SPAG16: variants seen among roughly 807,000 people sequenced by gnomAD.
SPAG16 encodes the protein sperm associated antigen 16.
Under a neutral mutation model 80.4 loss-of-function variants are expected in SPAG16, and 86 were observed. That is an observed-to-expected ratio of 1.07 (90% CI 0.90 to 1.28). The LOEUF (loss-of-function observed/expected upper bound fraction) is 1.28. Ranked by LOEUF, SPAG16 falls within the 50% of genes most tolerant of loss-of-function variation. SPAG16 has a pLI of 0.00. For missense variants in SPAG16, 870 were observed against 765.3 expected (o/e 1.14, Z -1.61); for synonymous variants, 294 against 265.9 (o/e 1.11, Z -1.03).
chr2:213,713,728 A>G (rs900916582), intron 10 of SPAG16, among the ~76,000 whole-genome samples: 1 of 152,198 alleles, frequency 6.6e-6, no homozygotes, highest in Non-Finnish European at 1.5e-5. Context: ...ATCTATTTCA[A>G]GACAAACTGG....
intron 10 of SPAG16, among the ~76,000 whole-genome samples, chr2:213,565,322 G>C (rs998169105): frequency 6.6e-6 from 1 of 152,232 alleles, no homozygotes; most frequent in African/African-American, 2.4e-5. Flanking sequence ...TTATATTCCA[G>C]AGGGAGACAT....
At chr2:213,475,864 AG>A (rs2073347183) in intron 9 of SPAG16, among the ~76,000 whole-genome samples, 1 of 152,226 alleles carries the variant, frequency 6.6e-6, no homozygotes, top group Non-Finnish European at 1.5e-5. Context: ...GTCTTCCAAA[AG>A]GAAAAAATCA....
chr2:213,910,236 G>T (rs188787643), intron 11 of SPAG16, among the ~76,000 whole-genome samples: 1 of 152,070 alleles, frequency 6.6e-6, no homozygotes, highest in Non-Finnish European at 1.5e-5. Context: ...ACAATATAAC[G>T]ATAGTAATTT....
intron 10 of SPAG16, among the ~76,000 whole-genome samples, chr2:213,805,663 CCTT>C (rs1425585338): frequency 1.3e-5 from 2 of 152,104 alleles, no homozygotes; most frequent in African/African-American, 2.4e-5. Context: ...GAGAAACAAA[CCTT>C]CTGATGTCTG....
intron 10 of SPAG16, among the ~76,000 whole-genome samples, chr2:213,709,036 T>C (rs539858441): frequency 2.0e-5 from 3 of 152,274 alleles, no homozygotes; most frequent in Non-Finnish European, 4.4e-5. Context: ...ACATTTATTC[T>C]CTGACTGCCC....
intron 15 of SPAG16, among the ~76,000 whole-genome samples, chr2:214,396,701 G>A (rs1310581508): frequency 6.6e-6 from 1 of 151,908 alleles, no homozygotes; most frequent in South Asian, 2.1e-4. Flanking sequence ...AAATAGTATG[G>A]TTTCTCAAAA....
At chr2:214,376,376 GAAGT>G (rs1700131784) in intron 15 of SPAG16, among the ~76,000 whole-genome samples, 1 of 152,058 alleles carries the variant, frequency 6.6e-6, no homozygotes, top group South Asian at 2.1e-4. Context: ...AATGGATTAT[GAAGT>G]AAGTTAACTT....
chr2:213,388,335 T>C (rs930241724), intron 9 of SPAG16, among the ~76,000 whole-genome samples: 1 of 152,224 alleles, frequency 6.6e-6, no homozygotes, highest in African/African-American at 2.4e-5. Flanking sequence ...CCTCTCTAGC[T>C]GAAGTGATTT....
intron 15 of SPAG16, among the ~76,000 whole-genome samples, chr2:214,318,377 T>C (rs949443125): frequency 7.5e-6 from 1 of 132,568 alleles, no homozygotes; most frequent in African/African-American, 3.1e-5. Flanking sequence ...TGAATTCTTT[T>C]TTTTTTTTTT....
At chr2:214,190,529 T>A (rs1391643331) in intron 15 of SPAG16, among the ~76,000 whole-genome samples, 1 of 152,160 alleles carries the variant, frequency 6.6e-6, no homozygotes, top group Non-Finnish European at 1.5e-5. Context: ...TTTTACAAAT[T>A]TAAATGACTA....
At chr2:213,738,930 A>C (rs1383571600) in intron 10 of SPAG16, among the ~76,000 whole-genome samples, 1 of 152,204 alleles carries the variant, frequency 6.6e-6, no homozygotes, top group Non-Finnish European at 1.5e-5. Context: ...TAGCCACGTT[A>C]CAGAGAGTGA....
chr2:214,146,477 G>C (rs539705784), intron 14 of SPAG16, among the ~76,000 whole-genome samples: 8 of 152,136 alleles, frequency 5.3e-5, no homozygotes, highest in Non-Finnish European at 1.2e-4. Flanking sequence ...CTGCAAAACT[G>C]CTTTGGAAGG....
At chr2:213,754,574 C>T (rs757143463) in intron 10 of SPAG16, among the ~76,000 whole-genome samples, 1 of 152,110 alleles carries the variant, frequency 6.6e-6, no homozygotes, top group African/African-American at 2.4e-5. Context: ...CATATGACAG[C>T]TTATGAGATC....
At chr2:214,140,358 A>T (rs182798995) in intron 14 of SPAG16, among the ~76,000 whole-genome samples, 78 of 151,692 alleles carry the variant, frequency 5.1e-4, no homozygotes, top group African/African-American at 1.9e-3. Context: ...CCTTTATAAC[A>T]CTTCTTTGTC....
At chr2:213,500,756 C>T (rs570872626) in intron 10 of SPAG16, among the ~76,000 whole-genome samples, 69 of 152,202 alleles carry the variant, frequency 4.5e-4, no homozygotes, top group African/African-American at 1.4e-3. Flanking sequence ...TATTTGAGAG[C>T]GGAGATAAAC....
chr2:213,422,087 G>A (rs910336028), intron 9 of SPAG16: 9 of 643,692 alleles, frequency 1.4e-5, no homozygotes, highest in Admixed American at 6.9e-5. Context: ...GGGACTAAAA[G>A]AGCTGTAACC....
chr2:213,684,534 AATAG>A (rs1294697937), intron 10 of SPAG16, among the ~76,000 whole-genome samples: 4 of 152,216 alleles, frequency 2.6e-5, no homozygotes, highest in Non-Finnish European at 4.4e-5. Context: ...AAAATGTGAA[AATAG>A]ATCACTTCAT....
chr2:213,922,160 A>G (rs371967908), intron 11 of SPAG16, among the ~76,000 whole-genome samples: 7 of 152,182 alleles, frequency 4.6e-5, no homozygotes, highest in African/African-American at 1.7e-4. Flanking sequence ...AGGGACACCA[A>G]TGAGTCATAG....
intron 15 of SPAG16, among the ~76,000 whole-genome samples, chr2:214,246,688 CTT>C (rs1689871127): frequency 6.6e-6 from 1 of 152,102 alleles, no homozygotes; most frequent in Non-Finnish European, 1.5e-5. Flanking sequence ...ACAGGAGAGA[CTT>C]TAAGCTAAAA....
Sources: gnomAD v4.1 joint callset for allele counts (sites outside exome capture counted in the v4.1 genomes callset) on GRCh38, gnomAD v4.1.1 for gene constraint, MANE v1.5 for transcripts, NCBI Gene and HGNC (gene_info 2026-07-23, HGNC 2026-07-21) for gene names.